Variants in KIF21A observed in about 807,000 individuals in gnomAD.
The protein encoded by KIF21A is kinesin family member 21A, also known as kinesin-like protein KIF21A.
A neutral mutation model predicts 202.9 loss-of-function variants in KIF21A; 114 were observed. The observed-to-expected ratio is 0.56, with a 90% confidence interval of 0.48 to 0.66. The LOEUF is 0.66. Ranked by LOEUF, KIF21A falls within the 30% of genes least tolerant of loss-of-function variation. The pLI is 0.00. For missense variants in KIF21A, 1,677 were observed against 1,994.9 expected, an observed-to-expected ratio of 0.84 and a Z score of 3.04; for synonymous variants, 667 against 670.8, an observed-to-expected ratio of 0.99 and a Z score of 0.09.
At chr12:39,310,188 A>G (rs182866030) in intron 32 of KIF21A, among the ~76,000 whole-genome samples, 8 of 152,180 alleles carry the variant, frequency 5.3e-5, no homozygotes, top group Admixed American at 4.6e-4. Context: ...CCAAGGGTCA[A>G]TGATTGATAA....
intron 6 of KIF21A, among the ~76,000 whole-genome samples, chr12:39,365,268 G>A (rs1949518563): frequency 1.3e-5 from 2 of 152,188 alleles, no homozygotes; most frequent in African/African-American, 4.8e-5. Context: ...CTGGCTCTGT[G>A]TGCATTAAAC....
chr12:39,331,792 C>T lies in KIF21A; in HGVS notation c.3052-1G>A. The T allele has an allele frequency of 1.9e-6, 3 of 1,606,188 alleles. No individual in the cohort carries two copies. Among genetic ancestry groups the T allele is most frequent in the Non-Finnish European group, 2.6e-6 (3 of 1,172,972 alleles). ...TAACATCCAATGTCTCACCTTCTTC[C>T]TGTATAAAATCAGCATAATATGATG... On this transcript the variant is annotated splice_acceptor_variant, in intron 21 of 37. Coordinates refer to ENST00000361418, the MANE Select transcript of KIF21A (RefSeq NM_001173464.2). LOFTEE classifies it high-confidence loss of function.
At chr12:39,357,127 CAGACTGTATACACAG>C in intron 9 of KIF21A, 106 bp downstream of exon 9, 1 of 845,830 alleles carries the variant, frequency 1.2e-6, no homozygotes, top group East Asian at 2.4e-5. Flanking sequence ...CTTAAAACCA[CAGACTGTATACACAG>C]AGACTGGCAT....
chr12:39,320,057 C>T (rs201650686), intron 27 of KIF21A, 44 bp from the exon 28 acceptor site: 49 of 1,134,480 alleles, frequency 4.3e-5, no homozygotes, highest in Non-Finnish European at 5.9e-5. Flanking sequence ...TCTAAATTTG[C>T]ACATACAACT....
chr12:39,302,545 C>G (rs1362001368), intron 36 of KIF21A, among the ~76,000 whole-genome samples: 4 of 152,162 alleles, frequency 2.6e-5, no homozygotes, highest in Admixed American at 2.6e-4. Context: ...AACCACCACT[C>G]TTAGATGCAT....
rs779387242 is a variant in KIF21A, at chr12:39,311,412, A to G, written c.4096+5T>C. 1 of 1,612,274 alleles carries G rather than the reference A, an allele frequency of 6.2e-7. No individual in the cohort carries two copies. The highest frequency in any genetic ancestry group is 2.2e-5 in the East Asian group (1 of 44,806). On this transcript the variant is annotated splice_donor_5th_base_variant and intron_variant, in intron 32 of 37. Transcript: ENST00000361418. ...TAAATATCTGCATTAGATAACTACT[A>G]GCACCTTTTGATCCAGTGAAGAGGA...
chr12:39,405,674 G>A (rs575736169), intron 1 of KIF21A, among the ~76,000 whole-genome samples: 27 of 152,128 alleles, frequency 1.8e-4, no homozygotes, highest in African/African-American at 6.0e-4. Context: ...CCTTGCAGCT[G>A]CTTTTAAAAA....
chr12:39,372,490 G>A (rs2139237406), intron 1 of KIF21A, among the ~76,000 whole-genome samples: 1 of 152,240 alleles, frequency 6.6e-6, no homozygotes. Flanking sequence ...CAGAGCACCA[G>A]CTTCCTCAAC....
At chr12:39,403,521 C>T (rs1286547997) in intron 1 of KIF21A, among the ~76,000 whole-genome samples, 1 of 152,136 alleles carries the variant, frequency 6.6e-6, no homozygotes, top group Non-Finnish European at 1.5e-5. Context: ...GGAGTCAAGA[C>T]TTATGTTCTA....
Position 39,441,660 on chromosome 12 carries a change from T to TAAAAAAAAAAAA in KIF21A, c.44+1255_44+1266dup, listed in dbSNP as rs56245570. Among the ~76,000 whole-genome samples the TAAAAAAAAAAAA allele has an allele frequency of 2.6e-3, 100 of 37,766 alleles. 10 individuals carry two copies. The highest frequency in any genetic ancestry group is 6.2e-3 in the African/African-American group (59 of 9,542). The allele number at this position is 37,766 out of a possible 152,430, so 24.8% of individuals were successfully genotyped here. On this transcript the variant is annotated intron_variant, in intron 1 of 37. Coordinates refer to ENST00000361418, the MANE Select transcript of KIF21A (RefSeq NM_001173464.2). ...ATAAAACTGTCACCTCCCTGGGTGG[T>TAAAAAAAAAAAA]AAAAAAAAAAAAAAAAAAAACACTT...
At chr12:39,305,979 T>C (rs1027611834) in intron 34 of KIF21A, among the ~76,000 whole-genome samples, 1 of 152,200 alleles carries the variant, frequency 6.6e-6, no homozygotes, top group Non-Finnish European at 1.5e-5. Flanking sequence ...GATGTGTACA[T>C]CAGACAATAA....
At chr12:39,319,881 C>A in intron 28 of KIF21A, 25 bp downstream of exon 28, 15 of 1,280,128 alleles carry the variant, frequency 1.2e-5, no homozygotes, top group Non-Finnish European at 1.7e-5. Flanking sequence ...TACAGTCTAG[C>A]AGGTAAAAAA....
At chr12:39,437,507 C>T (rs1377642102) in intron 1 of KIF21A, among the ~76,000 whole-genome samples, 1 of 152,148 alleles carries the variant, frequency 6.6e-6, no homozygotes, top group Non-Finnish European at 1.5e-5. Context: ...ATAAGTAGGG[C>T]ATGATATAAG....
chr12:39,309,409 A>G (rs1419622949), intron 33 of KIF21A, among the ~76,000 whole-genome samples, 177 bp downstream of exon 33: 1 of 151,940 alleles, frequency 6.6e-6, no homozygotes, highest in Non-Finnish European at 1.5e-5. Flanking sequence ...TCATTTGTCA[A>G]ATTTTCCCCC....
chr12:39,366,199 G>C, intron 6 of KIF21A, 151 bp downstream of exon 6: 1 of 632,904 alleles, frequency 1.6e-6, no homozygotes, highest in East Asian at 2.8e-5. Flanking sequence ...TGAGGAGATT[G>C]GAGATTCAGT....
chr12:39,398,894 C>T (rs1044663593), intron 1 of KIF21A, among the ~76,000 whole-genome samples: 1 of 149,688 alleles, frequency 6.7e-6, no homozygotes, highest in African/African-American at 2.4e-5. Flanking sequence ...TTAAAAATAA[C>T]ACAATAAAAA....
At chr12:39,329,479 G>A (rs1293982786) in intron 24 of KIF21A, among the ~76,000 whole-genome samples, 1 of 151,886 alleles carries the variant, frequency 6.6e-6, no homozygotes, top group Admixed American at 6.6e-5. Flanking sequence ...TGAAGAAGGG[G>A]GAGAAAGATA....
intron 1 of KIF21A, among the ~76,000 whole-genome samples, chr12:39,432,908 G>A (rs551880549): frequency 2.0e-4 from 31 of 152,026 alleles, no homozygotes; most frequent in Non-Finnish European, 3.8e-4. Flanking sequence ...ACCACACGAC[G>A]ACCAAGATGG....
At chr12:39,398,276 T>C (rs1951905600) in intron 1 of KIF21A, among the ~76,000 whole-genome samples, 1 of 152,198 alleles carries the variant, frequency 6.6e-6, no homozygotes, top group Non-Finnish European at 1.5e-5. Context: ...AGAAGTTCTT[T>C]TACATGAACT....
Sources: allele counts gnomAD v4.1 joint callset (sites outside exome capture counted in the v4.1 genomes callset), GRCh38; gene constraint gnomAD v4.1.1; transcripts MANE v1.5; gene names NCBI Gene and HGNC (gene_info 2026-07-23, HGNC 2026-07-21).